The following SH3BGRL2 variants were observed in gnomAD, a reference collection of about 807,000 sequenced individuals.
SH3BGRL2 encodes SH3 domain binding glutamate rich protein like 2.
Under a neutral mutation model 14.8 loss-of-function variants are expected in SH3BGRL2, and 21 were observed. That is an observed-to-expected ratio of 1.42 (90% confidence interval 1.01 to 2.05). The LOEUF is 2.05. SH3BGRL2 is among the 30% of genes most tolerant of loss of function. The pLI is 0.00. For synonymous variants in SH3BGRL2, 50 were observed against 47.8 expected (o/e 1.05, Z -0.19); for missense variants, 147 against 130.8 (o/e 1.12, Z -0.61).
chr6:79,557,419 TGAA>T, the SH3BGRL2 span, among the ~76,000 whole-genome samples: 213 of 152,104 alleles, frequency 1.4e-3, 5 homozygotes, highest in African/African-American at 4.8e-3. Context: ...TTTGTGACTA[TGAA>T]GAAGATGTTG....
At position 79,673,676 on chromosome 6, in the gene SH3BGRL2, G is replaced by A. The variant is rs368612330; in HGVS notation, c.108G>A (p.Glu36=). ...AAGCCAACAAGATAGAGTTTGAGGA[G>A]GTGGATATCACAATGTCAGAAGAAC... ...FLEANKIEFE[E]VDITMSEEQR... is the part of the protein sequence containing the mutation. The change falls in exon 2 of 4, where the codon GAG becomes GAA. Residue 36 remains glutamate, a synonymous_variant. Transcript: ENST00000369838. 2.0e-5 allele frequency: 32 copies of A among 1,614,098 alleles called. No homozygotes were observed. The East Asian group carries it at 2.5e-4, about 12-fold the overall frequency.
At chr6:79,544,460 A>G in the SH3BGRL2 span, among the ~76,000 whole-genome samples, 8 of 152,310 alleles carry the variant, frequency 5.3e-5, no homozygotes, top group Middle Eastern at 3.4e-3. Context: ...AAATTTTGCA[A>G]GCCAATTGAT....
At position 79,665,194 on chromosome 6, in the gene SH3BGRL2, C is replaced by T. The variant is rs528060514; in HGVS notation, c.46-8420C>T. On this transcript the variant is annotated intron_variant, in intron 1 of 3. Coordinates refer to ENST00000369838, the MANE Select transcript of SH3BGRL2 (RefSeq NM_031469.4). ...CAGCCTGGGCAACAGAGCGAGACTC[C>T]GTCTCTAAATAAATAAAAAAATAAA... is the stretch of plus-strand genomic sequence containing the variant. 2.4e-3 allele frequency among the ~76,000 whole-genome samples: 362 copies of T among 152,114 alleles called. 1 individual carries two copies. Among genetic ancestry groups the T allele is most frequent in the African/African-American group, 8.1e-3 (336 of 41,480 alleles).
the SH3BGRL2 span, among the ~76,000 whole-genome samples, chr6:79,600,981 C>T: frequency 6.6e-6 from 1 of 152,152 alleles, no homozygotes; most frequent in South Asian, 2.1e-4. Flanking sequence ...TCTCAGGAGT[C>T]CCCCCTCAAG....
Position 79,699,602 on chromosome 6 carries a change from C to A in SH3BGRL2, c.*93C>A. 7.1e-7 allele frequency: 1 copy of A among 1,405,938 alleles called. No individual in the cohort carries two copies. The highest frequency in any genetic ancestry group is 9.4e-7 in the Non-Finnish European group (1 of 1,066,910). 87.1% of individuals were successfully genotyped at this position (1,405,938 alleles called of 1,614,324 possible). A position where few individuals can be genotyped will look rare whatever the true frequency, so the allele number is the denominator to read the frequency against. On this transcript the variant is annotated 3_prime_UTR_variant, in exon 4 of 4. Coordinates refer to ENST00000369838, the MANE Select transcript of SH3BGRL2 (RefSeq NM_031469.4). Reference sequence around the variant, plus strand: ...ACCTAATGCATCACTGTGACAAAAGCCACACGCATTATCAGTAACTTTGCT... The same window carrying A: ...ACCTAATGCATCACTGTGACAAAAGACACACGCATTATCAGTAACTTTGCT...
At chr6:79,668,697 A>G (rs1222022906) in intron 1 of SH3BGRL2, among the ~76,000 whole-genome samples, 1 of 152,124 alleles carries the variant, frequency 6.6e-6, no homozygotes, top group Non-Finnish European at 1.5e-5. Flanking sequence ...TTATAAATGT[A>G]TCAACAATTT....
chr6:79,630,500 T>C (rs1342184655), upstream of SH3BGRL2, among the ~76,000 whole-genome samples: 1 of 152,214 alleles, frequency 6.6e-6, no homozygotes, highest in East Asian at 1.9e-4. Context: ...TAGAAGCTTT[T>C]TATTTAACAG....
chr6:79,558,741 C>T, the SH3BGRL2 span, among the ~76,000 whole-genome samples: 33 of 151,858 alleles, frequency 2.2e-4, no homozygotes, highest in African/African-American at 6.8e-4. Context: ...GAAGACATTC[C>T]AGTAACATCA....
chr6:79,575,351 G>A, the SH3BGRL2 span: 1 of 152,108 alleles, frequency 6.6e-6, no homozygotes, highest in Non-Finnish European at 1.5e-5. Flanking sequence ...CGAGAGCTGA[G>A]TTAAAATTTC....
intron 1 of SH3BGRL2, among the ~76,000 whole-genome samples, chr6:79,647,328 CT>C (rs200020550): frequency 8.6e-5 from 13 of 150,696 alleles, no homozygotes; most frequent in African/African-American, 2.0e-4. Context: ...TTGTGGGTAT[CT>C]TTTTTTTTAA....
At chr6:79,668,542 C>A (rs1769706963) in intron 1 of SH3BGRL2, among the ~76,000 whole-genome samples, 1 of 152,042 alleles carries the variant, frequency 6.6e-6, no homozygotes, top group African/African-American at 2.4e-5. Flanking sequence ...CAGTGGCCAA[C>A]AAGGCTGCTT....
chr6:79,632,754 T>C (rs1436677567), intron 1 of SH3BGRL2, among the ~76,000 whole-genome samples: 1 of 152,218 alleles, frequency 6.6e-6, no homozygotes, highest in Non-Finnish European at 1.5e-5. Flanking sequence ...CTGGTGTTTC[T>C]AGCTATTTGG....
chr6:79,695,528 G>T (rs1325032357), intron 2 of SH3BGRL2, among the ~76,000 whole-genome samples: 2 of 152,092 alleles, frequency 1.3e-5, no homozygotes, highest in Admixed American at 1.3e-4. Context: ...TTTCCTTTTG[G>T]GCAGGATGCA....
the SH3BGRL2 span, among the ~76,000 whole-genome samples, chr6:79,617,918 T>G: frequency 1.3e-5 from 2 of 152,198 alleles, no homozygotes; most frequent in Non-Finnish European, 2.9e-5. Flanking sequence ...CCTTCCATTG[T>G]AAAAGTATGG....
At chr6:79,667,224 C>A (rs538948626) in intron 1 of SH3BGRL2, among the ~76,000 whole-genome samples, 271 of 152,282 alleles carry the variant, frequency 1.8e-3, no homozygotes, top group African/African-American at 6.1e-3. Flanking sequence ...AAGTTAGGTA[C>A]AAAAACGGGA....
the SH3BGRL2 span, among the ~76,000 whole-genome samples, chr6:79,581,616 A>G: frequency 6.6e-6 from 1 of 152,138 alleles, no homozygotes; most frequent in Non-Finnish European, 1.5e-5. Context: ...CTCTCAATAA[A>G]CTATGTATTG....
the SH3BGRL2 span, among the ~76,000 whole-genome samples, chr6:79,591,325 TC>T: frequency 3.3e-5 from 5 of 152,342 alleles, no homozygotes; most frequent in East Asian, 9.6e-4. Flanking sequence ...ATTGATCTAA[TC>T]TTTTTATATG....
At chr6:79,592,650 A>G in the SH3BGRL2 span, among the ~76,000 whole-genome samples, 2 of 152,222 alleles carry the variant, frequency 1.3e-5, no homozygotes, top group Non-Finnish European at 2.9e-5. Flanking sequence ...TGAGCATAGA[A>G]TAAAAGGGAG....
At chr6:79,542,098 C>G in the SH3BGRL2 span, among the ~76,000 whole-genome samples, 1 of 152,154 alleles carries the variant, frequency 6.6e-6, no homozygotes, top group Non-Finnish European at 1.5e-5. Context: ...GACCACTGCT[C>G]TGCCAGGCAA....
Sources: gnomAD v4.1 joint callset for allele counts (sites outside exome capture counted in the v4.1 genomes callset) on GRCh38, gnomAD v4.1.1 for gene constraint, MANE v1.5 for transcripts, NCBI Gene and HGNC (gene_info 2026-07-23, HGNC 2026-07-21) for gene names.